YWHAH: variants seen among roughly 807,000 people sequenced by gnomAD.
The protein encoded by YWHAH is 14-3-3 protein eta.
In YWHAH, 6 loss-of-function variants were observed where a neutral mutation model predicts 22.9. That is an observed-to-expected ratio of 0.26 (90% confidence interval 0.14 to 0.52). The LOEUF (loss-of-function observed/expected upper bound fraction) is 0.52. Ranked by LOEUF, YWHAH falls within the 20% of genes least tolerant of loss-of-function variation. The probability of loss-of-function intolerance (pLI) is 0.97; values close to 1 mark genes in which losing one functional copy is unlikely to be tolerated. For synonymous variants in YWHAH, 135 were observed against 124.5 expected, an observed-to-expected ratio of 1.08 and a Z score of -0.56; for missense variants, 173 against 308.6, an observed-to-expected ratio of 0.56 and a Z score of 3.29.
chr22:31,945,596 A>G, intron 1 of YWHAH: 1 of 1,303,318 alleles, frequency 7.7e-7, no homozygotes, highest in South Asian at 1.2e-5. Context: ...ACACCCTAGC[A>G]AAATACCGTG....
chr22:31,954,656 C>T (rs2093847336), intron 1 of YWHAH, among the ~76,000 whole-genome samples: 1 of 152,296 alleles, frequency 6.6e-6, no homozygotes, highest in East Asian at 1.9e-4. Flanking sequence ...GGCACTCTCC[C>T]AGCTTCTGGT....
Position 31,945,539 on chromosome 22 carries a change from C to G in YWHAH, c.87+719C>G, listed in dbSNP as rs570055632. ...TGTGTCTTTGCATTCCTGAGACCCTCATAAATCGATTCTGCAGCTTCTCCG... is the reference window on the plus strand; with the variant it reads ...TGTGTCTTTGCATTCCTGAGACCCTGATAAATCGATTCTGCAGCTTCTCCG... On this transcript the variant is annotated intron_variant, in intron 1 of 1. Coordinates refer to ENST00000248975, the MANE Select transcript of YWHAH (RefSeq NM_003405.4). The G allele has an allele frequency of 7.0e-5, 91 of 1,304,128 alleles. No homozygotes were observed. In the African/African-American group the frequency reaches 1.1e-3, roughly 16 times the overall value. 80.8% of individuals were successfully genotyped at this position (1,304,128 alleles called of 1,614,324 possible). A position where few individuals can be genotyped will look rare whatever the true frequency, so the allele number is the denominator to read the frequency against.
In YWHAH at chr22:31,944,704, G is replaced by A. The variant is rs1187484410; in HGVS notation, c.-30G>A. The A allele has an allele frequency of 3.7e-6, 5 of 1,357,946 alleles. No homozygotes were observed. In the South Asian group the frequency reaches 7.7e-5, roughly 21 times the overall value. 84.1% of individuals were successfully genotyped at this position (1,357,946 alleles called of 1,614,324 possible). ...GAGGGCTAGCGAGCCAGCGGTGTGA[G>A]GCGCGAGGCGAGGCCGAGCCGCGAG... On this transcript the variant is annotated 5_prime_UTR_variant, in exon 1 of 2. Coordinates refer to ENST00000248975, the MANE Select transcript of YWHAH (RefSeq NM_003405.4).
chr22:31,956,811 G>C lies in YWHAH; in HGVS notation c.*19G>C. ...CAACTGAAGATCCTTCAGGTCCCCT[G>C]GCCCTTCCTTCACCCACCACCCCCA... On this transcript the variant is annotated 3_prime_UTR_variant, in exon 2 of 2. Transcript: ENST00000248975. The surrounding 1 kb of genome is among the most constrained non-coding windows in gnomAD (Gnocchi z 5.1). 1.3e-6 allele frequency: 2 copies of C among 1,551,532 alleles called. No individual in the cohort carries two copies. Among genetic ancestry groups the C allele is most frequent in the Non-Finnish European group, 1.7e-6 (2 of 1,148,394 alleles).
chr22:31,944,693 CA>C lies in YWHAH; in HGVS notation c.-40del, dbSNP rs755526658. On this transcript the variant is annotated 5_prime_UTR_variant, in exon 1 of 2. Transcript: ENST00000248975. ...CTGACCGGCGGGAGGGCTAGCGAGC[CA>C]GCGGTGTGAGGCGCGAGGCGAGGCC... is the stretch of plus-strand genomic sequence containing the variant. 6.0e-6 allele frequency: 8 copies of C among 1,324,878 alleles called. No individual in the cohort carries two copies. In the African/African-American group the frequency reaches 1.2e-4, roughly 20 times the overall value. 82.1% of individuals were successfully genotyped at this position (1,324,878 alleles called of 1,614,324 possible).
intron 1 of YWHAH, chr22:31,945,637 G>T: frequency 7.7e-7 from 1 of 1,292,554 alleles, no homozygotes. Flanking sequence ...TCTGAGTTCC[G>T]GTTACCATCT....
chr22:31,944,737 G>T lies in YWHAH; in HGVS notation c.4G>T (p.Gly2Trp). 1 of 1,410,104 alleles carries T rather than the reference G, an allele frequency of 7.1e-7. No homozygotes were observed. The highest frequency in any genetic ancestry group is 9.3e-7 in the Non-Finnish European group (1 of 1,075,040). The allele number at this position is 1,410,104 out of a possible 1,614,324, so 87.3% of individuals were successfully genotyped here. ...GCGAGGCCGAGCCGCGAGCGACATG[G>T]GGGACCGGGAGCAGCTGCTGCAGCG... M[G>W]DREQLLQRAR... The change falls in exon 1 of 2, where the codon GGG becomes TGG. Residue 2 changes from glycine (G) to tryptophan (W), a missense_variant. Transcript: ENST00000248975.
Position 31,956,468 on chromosome 22 carries a change from T to C in YWHAH, c.417T>C (p.Ser139=). 2.5e-6 allele frequency: 4 copies of C among 1,614,198 alleles called. No individual in the cohort carries two copies. Among genetic ancestry groups the C allele is most frequent in the Non-Finnish European group, 3.4e-6 (4 of 1,180,024 alleles). The change falls in exon 2 of 2, where the codon TCT becomes TCC. Residue 139 remains serine (S), a synonymous_variant. Coordinates refer to ENST00000248975, the MANE Select transcript of YWHAH (RefSeq NM_003405.4). This position sits in a 1 kb window ranked among gnomAD's most constrained non-coding sequence, Gnocchi z 5.1. ...ACCGCTACTTAGCAGAGGTCGCTTC[T>C]GGGGAGAAGAAAAACAGTGTGGTCG... ...DYYRYLAEVA[S]GEKKNSVVEA...
Position 31,944,642 on chromosome 22 carries a change from G to A in YWHAH, c.-92G>A. On this transcript the variant is annotated 5_prime_UTR_variant, in exon 1 of 2. Transcript: ENST00000248975. ...CGAGCCAGTGCGCGTGCGCGGCGGC[G>A]GCCTCCGCAGCGACCGGGGAGCGGA... 2.0e-6 allele frequency: 2 copies of A among 1,021,848 alleles called. No homozygotes were observed. The highest frequency in any genetic ancestry group is 2.4e-6 in the Non-Finnish European group (2 of 816,444). The allele number at this position is 1,021,848 out of a possible 1,614,324, so 63.3% of individuals were successfully genotyped here.
chr22:31,949,589 C>A (rs1211345351), intron 1 of YWHAH, among the ~76,000 whole-genome samples: 1 of 152,010 alleles, frequency 6.6e-6, no homozygotes, highest in East Asian at 1.9e-4. Flanking sequence ...GCTCCGCCTC[C>A]TGGGTTCACG....
intron 1 of YWHAH, among the ~76,000 whole-genome samples, chr22:31,949,746 A>G (rs4820058): frequency 0.044 from 6,748 of 152,302 alleles, 204 homozygotes; most frequent in Non-Finnish European, 0.069. Flanking sequence ...CTCATGGTCA[A>G]ACAGCTAGTA....
intron 1 of YWHAH, chr22:31,945,506 C>T (rs1023794502): frequency 2.8e-5 from 37 of 1,303,928 alleles, no homozygotes; most frequent in Non-Finnish European, 3.7e-5. Context: ...CTAGGTGAGA[C>T]GAATCTGTGT....
chr22:31,945,798 T>G (rs2093833515), intron 1 of YWHAH: 3 of 821,290 alleles, frequency 3.7e-6, no homozygotes, highest in African/African-American at 1.8e-5. Flanking sequence ...GAACTCCGCC[T>G]TAGACCTATA....
intron 1 of YWHAH, among the ~76,000 whole-genome samples, chr22:31,951,738 G>C (rs1330094077): frequency 6.6e-6 from 1 of 152,186 alleles, no homozygotes; most frequent in African/African-American, 2.4e-5. Context: ...CTGGAGCAGA[G>C]AAAATGTGTG....
intron 1 of YWHAH, among the ~76,000 whole-genome samples, chr22:31,947,907 T>C (rs1380005963): frequency 6.6e-6 from 1 of 152,216 alleles, no homozygotes; most frequent in Non-Finnish European, 1.5e-5. Flanking sequence ...CCCTAAGTCA[T>C]CTATTTTATA....
At chr22:31,952,526 A>G (rs9606888) in intron 1 of YWHAH, among the ~76,000 whole-genome samples, 27,777 of 152,210 alleles carry the variant, frequency 0.18, 3,129 homozygotes, top group Non-Finnish European at 0.25. Flanking sequence ...ATTATAACCC[A>G]GGAGTATTAA....
rs531152194 is a variant in YWHAH, at chr22:31,948,483, C to T, written c.87+3663C>T. On this transcript the variant is annotated intron_variant, in intron 1 of 1. Transcript: ENST00000248975. ...CATAATTCACTGTAGCCTTGAGCTCCTGGGCTCAAGTGAACCTCCTGAGCA... is the reference window on the plus strand; with the variant it reads ...CATAATTCACTGTAGCCTTGAGCTCTTGGGCTCAAGTGAACCTCCTGAGCA... Among the ~76,000 whole-genome samples the T allele has an allele frequency of 2.0e-5, 3 of 151,974 alleles. No individual in the cohort carries two copies. The South Asian group carries it at 6.2e-4, about 32-fold the overall frequency.
At chr22:31,945,258 T>G in intron 1 of YWHAH, 1 of 1,149,768 alleles carries the variant, frequency 8.7e-7, no homozygotes, top group Non-Finnish European at 1.1e-6. Flanking sequence ...CTGTCTCAGC[T>G]GGTTTTCTCT....
At chr22:31,948,925 G>C (rs183614033) in intron 1 of YWHAH, among the ~76,000 whole-genome samples, 123 of 152,230 alleles carry the variant, frequency 8.1e-4, no homozygotes, top group African/African-American at 2.6e-3. Context: ...ATCCCCAGAA[G>C]AACTTCCACA....
Sources: gnomAD v4.1 joint callset for allele counts (sites outside exome capture counted in the v4.1 genomes callset) on GRCh38, gnomAD v4.1.1 for gene constraint, Gnocchi (gnomAD v3.1) non-coding constraint, MANE v1.5 for transcripts, NCBI Gene and HGNC (gene_info 2026-07-23, HGNC 2026-07-21) for gene names.